Variants in ADGRB3 observed in about 807,000 individuals in gnomAD.
The protein encoded by ADGRB3 is adhesion G protein-coupled receptor B3.
ADGRB3 carries 37 observed loss-of-function variants against 193.4 expected under a neutral mutation model. The observed-to-expected ratio is 0.19, with a 90% confidence interval of 0.15 to 0.25. The LOEUF (loss-of-function observed/expected upper bound fraction) is 0.25. Among genes scored for constraint, ADGRB3 ranks in the 10% least tolerant of loss-of-function variants. The probability of loss-of-function intolerance (pLI) is 1.00; values close to 1 mark genes in which losing one functional copy is unlikely to be tolerated. For synonymous variants in ADGRB3, 690 were observed against 644.2 expected (o/e 1.07, Z -1.08); for missense variants, 1,637 against 1,852.9 (o/e 0.88, Z 2.14).
chr6:69,109,564 C>T (rs556187452), intron 17 of ADGRB3, among the ~76,000 whole-genome samples: 3 of 152,160 alleles, frequency 2.0e-5, no homozygotes, highest in Admixed American at 2.0e-4. Context: ...TATCAGTAAC[C>T]CTATTTTACA....
At chr6:69,248,473 A>C (rs541162249) in intron 20 of ADGRB3, among the ~76,000 whole-genome samples, 1 of 152,350 alleles carries the variant, frequency 6.6e-6, no homozygotes, top group African/African-American at 2.4e-5. Context: ...GTTATCACTA[A>C]AGATCTGTTG....
chr6:68,993,500 T>A (rs1769296608), intron 10 of ADGRB3, among the ~76,000 whole-genome samples: 1 of 152,172 alleles, frequency 6.6e-6, no homozygotes, highest in South Asian at 2.1e-4. Context: ...AATACACATT[T>A]TCCCAAATGT....
At chr6:68,790,583 G>A (rs971804966) in intron 3 of ADGRB3, among the ~76,000 whole-genome samples, 4 of 152,140 alleles carry the variant, frequency 2.6e-5, no homozygotes, top group Admixed American at 2.0e-4. Context: ...ACTCCTCTGA[G>A]ACAAAACTTC....
chr6:69,327,923 A>G (rs767523770), intron 22 of ADGRB3, 34 bp downstream of exon 22: 1 of 1,547,524 alleles, frequency 6.5e-7, no homozygotes, highest in South Asian at 1.2e-5. Flanking sequence ...TCATGTTTAT[A>G]ATTTAACAAA....
rs188997339 is a variant in ADGRB3, at chr6:68,910,881, C to T, written c.758-19678C>T. On this transcript the variant is annotated intron_variant, in intron 3 of 31. Transcript: ENST00000370598. ...TTCTTTTGGCTTAGGATTGACTTGGCAATGTGGGCTCTTTTTTGGTTCCAT... is the reference window on the plus strand; with the variant it reads ...TTCTTTTGGCTTAGGATTGACTTGGTAATGTGGGCTCTTTTTTGGTTCCAT... Among the ~76,000 whole-genome samples, 217 of 152,184 alleles carry T rather than the reference C, an allele frequency of 1.4e-3. 1 individual carries two copies. The highest frequency in any genetic ancestry group is 5.0e-3 in the African/African-American group (209 of 41,530).
intron 3 of ADGRB3, among the ~76,000 whole-genome samples, chr6:68,800,036 G>C (rs1337618232): frequency 2.0e-5 from 3 of 152,122 alleles, no homozygotes; most frequent in African/African-American, 7.2e-5. Flanking sequence ...TGTCTGTTGA[G>C]TTTATAGAAC....
chr6:68,863,529 C>T (rs1299768017), intron 3 of ADGRB3, among the ~76,000 whole-genome samples: 1 of 151,786 alleles, frequency 6.6e-6, no homozygotes, highest in African/African-American at 2.4e-5. Flanking sequence ...TCTTGATATT[C>T]AATAAAATTT....
At chr6:69,238,106 A>G (rs1766308654) in intron 19 of ADGRB3, among the ~76,000 whole-genome samples, 1 of 149,970 alleles carries the variant, frequency 6.7e-6, no homozygotes, top group South Asian at 2.1e-4. Flanking sequence ...AGAGAGAGAG[A>G]CAGACAGACA....
chr6:68,669,168 C>T (rs1376032348), intron 3 of ADGRB3, among the ~76,000 whole-genome samples: 1 of 151,796 alleles, frequency 6.6e-6, no homozygotes, highest in Non-Finnish European at 1.5e-5. Flanking sequence ...GAAATAAGGA[C>T]GTCATGGAGA....
chr6:69,281,445 A>G (rs1450591873), intron 20 of ADGRB3, among the ~76,000 whole-genome samples: 1 of 152,196 alleles, frequency 6.6e-6, no homozygotes, highest in Non-Finnish European at 1.5e-5. Context: ...TTGACACCCA[A>G]TCTGAATGTA....
chr6:69,286,600 G>A (rs1767557535), intron 20 of ADGRB3, among the ~76,000 whole-genome samples: 1 of 152,162 alleles, frequency 6.6e-6, no homozygotes, highest in South Asian at 2.1e-4. Context: ...AATGACTCCG[G>A]ATCCAAGTAG....
Position 68,638,832 on chromosome 6 carries a change from A to G in ADGRB3, c.157A>G (p.Thr53Ala), listed in dbSNP as rs1768011092. The change falls in exon 3 of 32, where the codon ACA becomes GCA. Residue 53 changes from threonine to alanine, a missense_variant. Physicochemically the swap from Thr to Ala is moderately conservative, Grantham distance 58 (BLOSUM62 0). Around this residue, in one of 7 missense-constraint regions of ADGRB3, gnomAD observed 365 missense variants for 409.8 expected, o/e 0.89. Coordinates refer to ENST00000370598, the MANE Select transcript of ADGRB3 (RefSeq NM_001704.3). ...AAGTGAAATGTTTCCTAAAAACTTTACAAACTGCACTTGGACGCTGGAAAA... is the reference window on the plus strand; with the variant it reads ...AAGTGAAATGTTTCCTAAAAACTTTGCAAACTGCACTTGGACGCTGGAAAA... ...SVSEMFPKNFTNCTWTLENPD... is the reference protein window; with the variant it reads ...SVSEMFPKNFANCTWTLENPD... The G allele has an allele frequency of 1.9e-6, 3 of 1,614,186 alleles. No individual in the cohort carries two copies. In the East Asian group the frequency reaches 6.7e-5, roughly 36 times the overall value.
At chr6:68,887,358 G>A (rs1004115910) in intron 3 of ADGRB3, among the ~76,000 whole-genome samples, 1 of 151,968 alleles carries the variant, frequency 6.6e-6, no homozygotes, top group Non-Finnish European at 1.5e-5. Flanking sequence ...TTGCATTTGA[G>A]GGGGAATTAC....
At chr6:69,265,660 T>C (rs549137395) in intron 20 of ADGRB3, among the ~76,000 whole-genome samples, 1 of 152,198 alleles carries the variant, frequency 6.6e-6, no homozygotes, top group Admixed American at 6.6e-5. Flanking sequence ...ACTTCTTCTC[T>C]ATTGTAATAT....
chr6:68,674,356 T>C (rs1769034523), intron 3 of ADGRB3, among the ~76,000 whole-genome samples: 1 of 152,154 alleles, frequency 6.6e-6, no homozygotes, highest in Non-Finnish European at 1.5e-5. Context: ...GAAGGGAATT[T>C]TTTTGCCACA....
chr6:68,721,255 A>AT (rs1765571164), intron 3 of ADGRB3, among the ~76,000 whole-genome samples: 1 of 151,932 alleles, frequency 6.6e-6, no homozygotes, highest in Non-Finnish European at 1.5e-5. Flanking sequence ...GACTGGATTA[A>AT]GAAAATGTGG....
chr6:68,687,378 C>A (rs1319889565), intron 3 of ADGRB3, among the ~76,000 whole-genome samples: 1 of 151,884 alleles, frequency 6.6e-6, no homozygotes, highest in Non-Finnish European at 1.5e-5. Context: ...AAAAACTATG[C>A]ATGGATTTGC....
chr6:69,295,793 G>A (rs1197280893), intron 20 of ADGRB3, among the ~76,000 whole-genome samples: 1 of 152,148 alleles, frequency 6.6e-6, no homozygotes, highest in Non-Finnish European at 1.5e-5. Context: ...GAGAAGGAAA[G>A]TCAATAACCT....
chr6:68,973,728 G>A (rs1413503213), intron 8 of ADGRB3, among the ~76,000 whole-genome samples: 1 of 152,108 alleles, frequency 6.6e-6, no homozygotes, highest in Non-Finnish European at 1.5e-5. Flanking sequence ...ACCCAAACAA[G>A]ATCCCTAGCA....
Sources: gnomAD v4.1 joint callset for allele counts (sites outside exome capture counted in the v4.1 genomes callset) on GRCh38, gnomAD v4.1.1 for gene constraint, gnomAD v4.1.1 regional missense constraint, MANE v1.5 for transcripts, NCBI Gene and HGNC (gene_info 2026-07-23, HGNC 2026-07-21) for gene names.